The following TRPS1 variants were observed in gnomAD, a reference collection of about 807,000 sequenced individuals.
TRPS1 encodes zinc finger transcription factor Trps1.
Under a neutral mutation model 101.2 loss-of-function variants are expected in TRPS1, and 6 were observed. The observed-to-expected ratio is 0.06, with a 90% CI of 0.03 to 0.12. The LOEUF (loss-of-function observed/expected upper bound fraction) is 0.12. Among genes scored for constraint, TRPS1 ranks in the 10% least tolerant of loss-of-function variants. TRPS1 has a pLI of 1.00. For synonymous variants in TRPS1, 578 were observed against 589.8 expected (o/e 0.98, Z 0.29); for missense variants, 1,363 against 1,567.0 (o/e 0.87, Z 2.20).
intron 5 of TRPS1, among the ~76,000 whole-genome samples, chr8:115,539,335 G>A (rs1174384133): frequency 6.6e-6 from 1 of 152,080 alleles, no homozygotes; most frequent in Non-Finnish European, 1.5e-5. Flanking sequence ...AAAAATTTCT[G>A]GGCTCTAACT....
chr8:115,447,227 GC>G (rs2129910406), intron 5 of TRPS1, among the ~76,000 whole-genome samples: 1 of 152,192 alleles, frequency 6.6e-6, no homozygotes, highest in Non-Finnish European at 1.5e-5. Context: ...CTATACCTTT[GC>G]CCTATCCTTG....
intron 5 of TRPS1, among the ~76,000 whole-genome samples, chr8:115,533,082 T>C (rs1816174072): frequency 6.6e-6 from 1 of 152,206 alleles, no homozygotes; most frequent in African/African-American, 2.4e-5. Flanking sequence ...CCAGGTGTTC[T>C]GCACTTTAAC....
intron 5 of TRPS1, among the ~76,000 whole-genome samples, chr8:115,574,557 A>T (rs1005256028): frequency 2.6e-5 from 4 of 152,180 alleles, no homozygotes; most frequent in Non-Finnish European, 5.9e-5. Context: ...CCTGATTTTC[A>T]TTCTTATCTT....
At chr8:115,536,462 G>T (rs1220753496) in intron 5 of TRPS1, among the ~76,000 whole-genome samples, 1 of 150,122 alleles carries the variant, frequency 6.7e-6, no homozygotes, top group African/African-American at 2.5e-5. Flanking sequence ...GGCGGAGCTT[G>T]CAGTGAGCGG....
At chr8:115,480,156 C>T (rs545159932) in intron 5 of TRPS1, among the ~76,000 whole-genome samples, 1 of 152,170 alleles carries the variant, frequency 6.6e-6, no homozygotes, top group South Asian at 2.1e-4. Flanking sequence ...TAAAATTAAG[C>T]ACAAATCCCA....
intron 5 of TRPS1, among the ~76,000 whole-genome samples, chr8:115,534,084 A>G (rs1445374023): frequency 1.3e-5 from 2 of 151,346 alleles, no homozygotes; most frequent in Admixed American, 1.3e-4. Context: ...CGATACCATC[A>G]CACTGGAGGC....
Position 115,604,265 on chromosome 8 carries a change from G to A in TRPS1, c.1704C>T (p.Asn568=). ...PLLRHYQQLH[N]IHKCTIKHCP... is the part of the protein sequence containing the mutation. ...AGTGTTTAATGGTACACTTGTGAAT[G>A]TTATGGAGCTGTTGATAATGACGGA... The change falls in exon 4 of 7, where the codon AAC becomes AAT. Residue 568 remains asparagine (N), a synonymous_variant. Transcript: ENST00000395715. The surrounding 1 kb of genome is among the most constrained non-coding windows in gnomAD (Gnocchi z 4.1). The A allele has an allele frequency of 1.2e-6, 2 of 1,614,116 alleles. No individual in the cohort carries two copies. Among genetic ancestry groups the A allele is most frequent in the Non-Finnish European group, 1.7e-6 (2 of 1,180,016 alleles).
intron 5 of TRPS1, among the ~76,000 whole-genome samples, chr8:115,430,747 G>A (rs1012615643): frequency 6.6e-6 from 1 of 151,924 alleles, no homozygotes; most frequent in Admixed American, 6.6e-5. Flanking sequence ...ATACACTCAC[G>A]TAAATGAATG....
At chr8:115,503,287 T>A (rs2130155290) in intron 5 of TRPS1, among the ~76,000 whole-genome samples, 1 of 149,762 alleles carries the variant, frequency 6.7e-6, no homozygotes, top group Middle Eastern at 3.6e-3. Flanking sequence ...TGATACTACT[T>A]AAAGATGCCA....
chr8:115,493,470 C>T (rs13264918), intron 5 of TRPS1, among the ~76,000 whole-genome samples: 1 of 152,138 alleles, frequency 6.6e-6, no homozygotes, highest in Non-Finnish European at 1.5e-5. Context: ...CTGCCTCAGC[C>T]TCCCAAGTGG....
rs1467744003 is a variant in TRPS1 at position 115,604,637 on chromosome 8, G to T, written c.1332C>A (p.Thr444=). The T allele has an allele frequency of 6.2e-7, 1 of 1,613,992 alleles. No individual in the cohort carries two copies. Among genetic ancestry groups the T allele is most frequent in the South Asian group, 1.1e-5 (1 of 91,078 alleles). The change falls in exon 4 of 7, where the codon ACC becomes ACA. Residue 444 remains threonine (T), a synonymous_variant. Transcript: ENST00000395715. This position sits in a 1 kb window ranked among gnomAD's most constrained non-coding sequence, Gnocchi z 4.1. ...TACAAAATTTACACCAGTAGTAACTGGTGGCCTCTGTACCATTTTGTCTAG... is the reference window on the plus strand; with the variant it reads ...TACAAAATTTACACCAGTAGTAACTTGTGGCCTCTGTACCATTTTGTCTAG... ...DSSRQNGTEA[T]SYYWCKFCSF...
rs1278110853 is a variant in TRPS1 at position 115,413,456 on chromosome 8, T to A, written c.*567A>T. 6.5e-6 allele frequency: 1 copy of A among 153,232 alleles called. No homozygotes were observed. The highest frequency in any genetic ancestry group is 1.5e-5 in the Non-Finnish European group (1 of 68,616). The allele number at this position is 153,232 out of a possible 1,614,324, so 9.5% of individuals were successfully genotyped here. ...CACTCTAACCAAGCCTAACCACAGC[T>A]CGCATTTCTAGGTCAAAATCTGAAA... On this transcript the variant is annotated 3_prime_UTR_variant, in exon 7 of 7. Coordinates refer to ENST00000395715, the MANE Select transcript of TRPS1 (RefSeq NM_014112.5).
At chr8:115,605,959 G>GT (rs5894279) in intron 3 of TRPS1, among the ~76,000 whole-genome samples, 152,264 of 152,264 alleles carry the variant, frequency 1, 76,132 homozygotes, top group Non-Finnish European at 1. Flanking sequence ...AAAATTCAGA[G>GT]TTAAAATAGA....
At chr8:115,641,273 A>G (rs1371418966) in intron 1 of TRPS1, among the ~76,000 whole-genome samples, 2 of 152,206 alleles carry the variant, frequency 1.3e-5, no homozygotes, top group Non-Finnish European at 2.9e-5. Context: ...CTTTCTTGTA[A>G]CCAGGGATTT....
At chr8:115,484,001 T>C (rs192707974) in intron 5 of TRPS1, among the ~76,000 whole-genome samples, 1 of 152,324 alleles carries the variant, frequency 6.6e-6, no homozygotes, top group Non-Finnish European at 1.5e-5. Context: ...AGTGGCTTTG[T>C]AAAATATATG....
At chr8:115,525,160 T>C (rs1815965541) in intron 5 of TRPS1, among the ~76,000 whole-genome samples, 1 of 152,194 alleles carries the variant, frequency 6.6e-6, no homozygotes, top group Non-Finnish European at 1.5e-5. Flanking sequence ...TCAGATCTTC[T>C]GGCATACTCT....
At chr8:115,523,523 C>G (rs919888879) in intron 5 of TRPS1, among the ~76,000 whole-genome samples, 1 of 152,022 alleles carries the variant, frequency 6.6e-6, no homozygotes, top group Non-Finnish European at 1.5e-5. Context: ...TAGAGCGAGG[C>G]TCTGTCTCAA....
chr8:115,515,777 T>C (rs1815695803), intron 5 of TRPS1, among the ~76,000 whole-genome samples: 1 of 151,528 alleles, frequency 6.6e-6, no homozygotes, highest in Non-Finnish European at 1.5e-5. Context: ...AAATATCATG[T>C]AAAATATTGA....
chr8:115,553,473 T>G (rs1241374329), intron 5 of TRPS1, among the ~76,000 whole-genome samples: 1 of 152,146 alleles, frequency 6.6e-6, no homozygotes, highest in Non-Finnish European at 1.5e-5. Flanking sequence ...AACATGAAGT[T>G]TAGGCTGACC....
Sources: gnomAD v4.1 joint callset for allele counts (sites outside exome capture counted in the v4.1 genomes callset) on GRCh38, gnomAD v4.1.1 for gene constraint, Gnocchi (gnomAD v3.1) non-coding constraint, MANE v1.5 for transcripts, NCBI Gene and HGNC (gene_info 2026-07-23, HGNC 2026-07-21) for gene names.